ZNF471: variants seen among roughly 807,000 people sequenced by gnomAD.
ZNF471 encodes the protein zinc finger protein 471, also known as EZFIT-related protein 1.
ZNF471 carries 7 observed loss-of-function variants against 13.7 expected under a neutral mutation model. The observed-to-expected ratio is 0.51, with a 90% CI of 0.29 to 0.96. The LOEUF (loss-of-function observed/expected upper bound fraction) is 0.96, where lower values mean the gene tolerates loss of function less well. Ranked by LOEUF, ZNF471 falls within the 40% of genes least tolerant of loss-of-function variation. The pLI, the probability that ZNF471 is intolerant of heterozygous loss-of-function variation, is 0.08. For synonymous variants in ZNF471, 218 were observed against 235.6 expected (o/e 0.93, Z 0.68); for missense variants, 663 against 743.3 (o/e 0.89, Z 1.26).
chr19:56,520,877 C>A (rs60745037), intron 4 of ZNF471, among the ~76,000 whole-genome samples: 3,187 of 152,268 alleles, frequency 0.021, 96 homozygotes, highest in African/African-American at 0.071. Flanking sequence ...TTAGTCTGTT[C>A]TCAAGCTGCT....
Position 56,508,624 on chromosome 19 carries a change from G to C in ZNF471, c.-56+704G>C, listed in dbSNP as rs1033506805. Among the ~76,000 whole-genome samples the C allele has an allele frequency of 6.6e-6, 1 of 151,708 alleles. No homozygotes were observed. Among genetic ancestry groups the C allele is most frequent in the Non-Finnish European group, 1.5e-5 (1 of 67,992 alleles). On this transcript the variant is annotated intron_variant, in intron 1 of 4. Coordinates refer to ENST00000308031, the MANE Select transcript of ZNF471 (RefSeq NM_020813.4). The surrounding 1 kb of genome is among the most constrained non-coding windows in gnomAD (Gnocchi z 4.7). ...AAGAATCACCATGTATGCGAGACTA[G>C]ACTGTGCAAGAACAGAGTGTGAGAC...
intron 2 of ZNF471, among the ~76,000 whole-genome samples, chr19:56,515,855 T>C (rs2043878959): frequency 6.6e-6 from 1 of 152,210 alleles, no homozygotes; most frequent in Non-Finnish European, 1.5e-5. Flanking sequence ...CCTAAGAAAA[T>C]TGCATTCTTA....
chr19:56,529,122 A>G lies in ZNF471; in HGVS notation c.*3174A>G, dbSNP rs1221884335. On this transcript the variant is annotated 3_prime_UTR_variant, in exon 5 of 5. Transcript: ENST00000308031. Reference sequence around the variant, plus strand: ...CATGATCCTACATGAATGTTTCAATATTGTAATCCTGTAAGTTACTTTTAC... The same window carrying G: ...CATGATCCTACATGAATGTTTCAATGTTGTAATCCTGTAAGTTACTTTTAC... 6.6e-6 allele frequency: 1 copy of G among 152,248 alleles called. No homozygotes were observed. Among genetic ancestry groups the G allele is most frequent in the Non-Finnish European group, 1.5e-5 (1 of 68,046 alleles). 9.4% of individuals were successfully genotyped at this position (152,248 alleles called of 1,614,324 possible).
rs1429182091 is a variant in ZNF471, at chr19:56,510,998, G to C, written c.-55-519G>C. ...GGTGAGGAAAGTGAAACAGTGCCGG[G>C]GGGTGGGTCAGGGATGCAGTGGTGG... On this transcript the variant is annotated intron_variant, in intron 1 of 4. Coordinates refer to ENST00000308031, the MANE Select transcript of ZNF471 (RefSeq NM_020813.4). This position sits in a 1 kb window ranked among gnomAD's most constrained non-coding sequence, Gnocchi z 4.3. 2.0e-6 allele frequency: 2 copies of C among 985,640 alleles called. No individual in the cohort carries two copies. Among genetic ancestry groups the C allele is most frequent in the Admixed American group, 1.2e-4 (2 of 16,266 alleles). 61.1% of individuals were successfully genotyped at this position (985,640 alleles called of 1,614,324 possible).
Position 56,528,913 on chromosome 19 carries a change from GTA to G in ZNF471, c.*2969_*2970del, listed in dbSNP as rs2044078440. 1 of 135,324 alleles carries G rather than the reference GTA, an allele frequency of 7.4e-6. No homozygotes were observed. Among genetic ancestry groups the G allele is most frequent in the African/African-American group, 2.7e-5 (1 of 36,430 alleles). 8.4% of individuals were successfully genotyped at this position (135,324 alleles called of 1,614,324 possible). On this transcript the variant is annotated 3_prime_UTR_variant, in exon 5 of 5. Transcript: ENST00000308031. ...GTTCCACTAGTAAAGTTGTTCTGGA[GTA>G]TATTTTTTTTAAAAAAAACACTTAA...
intron 4 of ZNF471, among the ~76,000 whole-genome samples, chr19:56,523,432 G>T (rs1163791800): frequency 2.0e-5 from 3 of 151,894 alleles, no homozygotes; most frequent in Admixed American, 1.3e-4. Context: ...AAGATGAAAG[G>T]GAAAATCTCT....
chr19:56,517,556 C>T (rs2043910424), intron 3 of ZNF471, among the ~76,000 whole-genome samples: 1 of 152,118 alleles, frequency 6.6e-6, no homozygotes, highest in Non-Finnish European at 1.5e-5. Context: ...CTGCCCGCCT[C>T]AGCCTCCCAA....
In ZNF471 at chr19:56,518,526, G is replaced by GGGA. The variant is rs2043924994; in HGVS notation, c.207_209dup (p.Arg70dup). On this transcript the variant is annotated inframe_insertion, in exon 4 of 5. Coordinates refer to ENST00000308031, the MANE Select transcript of ZNF471 (RefSeq NM_020813.4). Reference sequence around the variant, plus strand: ...ATATGTGATCTCCTTATTGGAGCAAGGGAGAGAGCCTTGGGAGATGACGAG... The same window carrying GGGA: ...ATATGTGATCTCCTTATTGGAGCAAGGGAGGAGAGAGCCTTGGGAGATGACGAG... 1 of 1,613,708 alleles carries GGGA rather than the reference G, an allele frequency of 6.2e-7. No individual in the cohort carries two copies. Among genetic ancestry groups the GGGA allele is most frequent in the African/African-American group, 1.3e-5 (1 of 74,876 alleles).
chr19:56,523,768 T>A (rs1437025510), intron 4 of ZNF471, among the ~76,000 whole-genome samples: 1 of 152,216 alleles, frequency 6.6e-6, no homozygotes. Flanking sequence ...AATATTACCA[T>A]TGCAGACTAC....
rs2043883589 is a variant in ZNF471, at chr19:56,516,050, C to CT, written c.34-223dup. On this transcript the variant is annotated intron_variant, in intron 2 of 4. Coordinates refer to ENST00000308031, the MANE Select transcript of ZNF471 (RefSeq NM_020813.4). The surrounding 1 kb of genome is among the most constrained non-coding windows in gnomAD (Gnocchi z 4.4). Reference sequence around the variant, plus strand: ...TCTCCCTTGAAGCCGTCTTCACTGCCTTGTAGTTATGCACCCATATTTCCC... The same window carrying CT: ...TCTCCCTTGAAGCCGTCTTCACTGCCTTTGTAGTTATGCACCCATATTTCCC... Among the ~76,000 whole-genome samples the CT allele has an allele frequency of 6.6e-6, 1 of 152,170 alleles. No individual in the cohort carries two copies. The highest frequency in any genetic ancestry group is 2.4e-5 in the African/African-American group (1 of 41,432).
intron 3 of ZNF471, among the ~76,000 whole-genome samples, chr19:56,517,860 TATA>T (rs2043915033): frequency 6.6e-6 from 1 of 152,242 alleles, no homozygotes; most frequent in Non-Finnish European, 1.5e-5. Context: ...TGTTAAATTA[TATA>T]ATATTTATTT....
At chr19:56,512,096 A>T (rs1399644067) in intron 2 of ZNF471, among the ~76,000 whole-genome samples, 2 of 151,900 alleles carry the variant, frequency 1.3e-5, no homozygotes, top group African/African-American at 2.4e-5. Context: ...GAAAAATCTT[A>T]TTCTACTTAA....
chr19:56,521,613 C>T (rs8106523), intron 4 of ZNF471, among the ~76,000 whole-genome samples: 63,693 of 138,126 alleles, frequency 0.46, 14,317 homozygotes, highest in Middle Eastern at 0.55. Context: ...CACTCCAGCC[C>T]GGGCAACAGA....
intron 4 of ZNF471, among the ~76,000 whole-genome samples, chr19:56,521,638 C>CAAAAAAAAAAAAAAAAAAAAAAAAAAAAA (rs372849279): frequency 1.2e-5 from 1 of 82,102 alleles, no homozygotes; most frequent in Admixed American, 1.4e-4. Flanking sequence ...GACTCTGTCT[C>CAAAAAAAAAAAAAAAAAAAAAAAAAAAAA]AAAAAAAAAA....
chr19:56,517,298 ATTTTTTTTTTTT>A (rs57499065), intron 3 of ZNF471, among the ~76,000 whole-genome samples: 3 of 100,394 alleles, frequency 3.0e-5, no homozygotes, highest in East Asian at 2.7e-4. Context: ...CACCCAGCTA[ATTTTTTTTTTTT>A]TTTTTTTTTT....
rs112844835 is a variant in ZNF471 at position 56,522,231 on chromosome 19, T to C, written c.257-2093T>C. 1.5e-4 allele frequency among the ~76,000 whole-genome samples: 23 copies of C among 152,312 alleles called. No homozygotes were observed. The highest frequency in any genetic ancestry group is 4.8e-4 in the African/African-American group (20 of 41,564). On this transcript the variant is annotated intron_variant, in intron 4 of 4. Coordinates refer to ENST00000308031, the MANE Select transcript of ZNF471 (RefSeq NM_020813.4). This position sits in a 1 kb window ranked among gnomAD's most constrained non-coding sequence, Gnocchi z 4.1. ...TAAGTGACACAAGACTATTTTGTTATAGCAACCCAAGTTATTCAAGACACT... is the reference window on the plus strand; with the variant it reads ...TAAGTGACACAAGACTATTTTGTTACAGCAACCCAAGTTATTCAAGACACT...
At chr19:56,523,947 C>T (rs1311712964) in intron 4 of ZNF471, among the ~76,000 whole-genome samples, 1 of 152,152 alleles carries the variant, frequency 6.6e-6, no homozygotes, top group East Asian at 1.9e-4. Flanking sequence ...CCTCAGCCTC[C>T]TGAGTAACTG....
chr19:56,513,921 T>C lies in ZNF471; in HGVS notation c.33+2317T>C, dbSNP rs565102263. Among the ~76,000 whole-genome samples, 6 of 152,144 alleles carry C rather than the reference T, an allele frequency of 3.9e-5. No homozygotes were observed. The East Asian group carries it at 1.2e-3, about 29-fold the overall frequency. On this transcript the variant is annotated intron_variant, in intron 2 of 4. Coordinates refer to ENST00000308031, the MANE Select transcript of ZNF471 (RefSeq NM_020813.4). ...GCAGAGATAGTGTAGAGAAATCTTA[T>C]ACCACACCAAGCTTCCCCTATTAAT...
At position 56,510,828 on chromosome 19, in the gene ZNF471, T is replaced by G; in HGVS notation, c.-55-689T>G. ...CCTGTCCCCAGTCCAAGGGTTTCAGTAAGAAGCAAAGCTGGGGTGACTGAA... is the reference window on the plus strand; with the variant it reads ...CCTGTCCCCAGTCCAAGGGTTTCAGGAAGAAGCAAAGCTGGGGTGACTGAA... On this transcript the variant is annotated intron_variant, in intron 1 of 4. Transcript: ENST00000308031. The surrounding 1 kb of genome is among the most constrained non-coding windows in gnomAD (Gnocchi z 4.3). The G allele has an allele frequency of 1.0e-6, 1 of 985,352 alleles. No homozygotes were observed. Among genetic ancestry groups the G allele is most frequent in the African/African-American group, 1.7e-5 (1 of 57,294 alleles). The allele number at this position is 985,352 out of a possible 1,614,324, so 61.0% of individuals were successfully genotyped here.
Sources: allele counts gnomAD v4.1 joint callset (sites outside exome capture counted in the v4.1 genomes callset), GRCh38; gene constraint gnomAD v4.1.1; non-coding constraint Gnocchi (gnomAD v3.1); transcripts MANE v1.5; gene names NCBI Gene and HGNC (gene_info 2026-07-23, HGNC 2026-07-21).